The following KCTD16 variants were observed in gnomAD, a reference collection of about 807,000 sequenced individuals.
The protein encoded by KCTD16 is potassium channel tetramerization domain containing 16.
In KCTD16, 13 loss-of-function variants were observed where a neutral mutation model predicts 33.2. The ratio of observed to expected loss-of-function variants is 0.39; its 90% CI spans 0.25 to 0.62. KCTD16 has a LOEUF of 0.62. KCTD16 is among the 20% of genes least tolerant of loss of function. The probability of loss-of-function intolerance (pLI) is 0.50; values close to 1 mark genes in which losing one functional copy is unlikely to be tolerated. For missense variants in KCTD16, 441 were observed against 525.1 expected, an observed-to-expected ratio of 0.84 and a Z score of 1.57; for synonymous variants, 197 against 195.3, an observed-to-expected ratio of 1.01 and a Z score of -0.07.
chr5:144,338,513 T>C (rs556353602), intron 3 of KCTD16, among the ~76,000 whole-genome samples: 17 of 152,158 alleles, frequency 1.1e-4, no homozygotes, highest in African/African-American at 4.1e-4. Context: ...ATAATAATTG[T>C]ATTAAAAGGA....
intron 3 of KCTD16, among the ~76,000 whole-genome samples, chr5:144,287,792 C>T (rs1755787499): frequency 6.6e-6 from 1 of 151,920 alleles, no homozygotes; most frequent in Admixed American, 6.6e-5. Flanking sequence ...CGCACGACCT[C>T]ATCTGGCTAA....
intron 3 of KCTD16, among the ~76,000 whole-genome samples, chr5:144,264,147 T>G (rs543090438): frequency 1.3e-5 from 2 of 152,240 alleles, no homozygotes; most frequent in Admixed American, 6.5e-5. Context: ...CTTTTGAACA[T>G]ATTCATCTGA....
At chr5:144,339,009 C>T (rs927844611) in intron 3 of KCTD16, among the ~76,000 whole-genome samples, 3 of 151,880 alleles carry the variant, frequency 2.0e-5, no homozygotes, top group African/African-American at 7.3e-5. Context: ...TCCCCTGGAA[C>T]GTGAGGCAAG....
intron 3 of KCTD16, among the ~76,000 whole-genome samples, chr5:144,224,623 T>A (rs1753872823): frequency 6.6e-6 from 1 of 152,206 alleles, no homozygotes; most frequent in Non-Finnish European, 1.5e-5. Flanking sequence ...CCTTGGTAAT[T>A]CGCTTCTTTT....
intron 3 of KCTD16, among the ~76,000 whole-genome samples, chr5:144,418,015 T>C (rs1269969108): frequency 2.6e-5 from 4 of 152,158 alleles, no homozygotes; most frequent in African/African-American, 9.7e-5. Context: ...GGTGGGCTCG[T>C]AGTCTTGCTG....
At chr5:144,391,896 T>C (rs1372465921) in intron 3 of KCTD16, among the ~76,000 whole-genome samples, 1 of 152,240 alleles carries the variant, frequency 6.6e-6, no homozygotes, top group African/African-American at 2.4e-5. Context: ...AATTTACTTA[T>C]CTGTGTGGTT....
intron 3 of KCTD16, among the ~76,000 whole-genome samples, chr5:144,363,592 G>T (rs577876706): frequency 6.6e-6 from 1 of 152,102 alleles, no homozygotes; most frequent in African/African-American, 2.4e-5. Context: ...AAGTTCAAAT[G>T]ATCTCTGCTC....
intron 3 of KCTD16, among the ~76,000 whole-genome samples, chr5:144,394,475 G>T (rs1752520521): frequency 6.6e-6 from 1 of 152,208 alleles, no homozygotes; most frequent in Non-Finnish European, 1.5e-5. Context: ...TCTGAAAACT[G>T]AACTGGACAT....
chr5:144,412,799 T>C (rs1458094583), intron 3 of KCTD16, among the ~76,000 whole-genome samples: 4 of 151,702 alleles, frequency 2.6e-5, no homozygotes, highest in East Asian at 1.9e-4. Flanking sequence ...GGCACGAGAG[T>C]CGCTTGAACC....
intron 3 of KCTD16, among the ~76,000 whole-genome samples, chr5:144,438,638 A>G (rs1330021753): frequency 6.6e-6 from 1 of 152,212 alleles, no homozygotes; most frequent in Non-Finnish European, 1.5e-5. Context: ...TTTTGAAAAC[A>G]TAGGCTGGGT....
chr5:144,204,648 G>A (rs1197214324), intron 2 of KCTD16, among the ~76,000 whole-genome samples: 1 of 152,150 alleles, frequency 6.6e-6, no homozygotes, highest in African/African-American at 2.4e-5. Context: ...TTTCTTACAG[G>A]TGAGCTAAGA....
intron 2 of KCTD16, among the ~76,000 whole-genome samples, chr5:144,179,947 G>A (rs545190798): frequency 1.1e-4 from 16 of 152,194 alleles, no homozygotes; most frequent in South Asian, 2.1e-4. Flanking sequence ...AGTTCTACTC[G>A]CCCATTTTCC....
At chr5:144,179,643 T>G (rs1241768197) in intron 2 of KCTD16, among the ~76,000 whole-genome samples, 1 of 152,220 alleles carries the variant, frequency 6.6e-6, no homozygotes, top group Non-Finnish European at 1.5e-5. Context: ...TCAATTTTAC[T>G]AATAAGACTA....
chr5:144,436,092 G>C (rs1049202519), intron 3 of KCTD16, among the ~76,000 whole-genome samples: 1 of 152,170 alleles, frequency 6.6e-6, no homozygotes, highest in Non-Finnish European at 1.5e-5. Context: ...AACCACTTTA[G>C]TTTTAACTAG....
chr5:144,182,922 A>G (rs1752654825), intron 2 of KCTD16, among the ~76,000 whole-genome samples: 1 of 152,204 alleles, frequency 6.6e-6, no homozygotes, highest in African/African-American at 2.4e-5. Flanking sequence ...TACTTAACAC[A>G]TATACATACA....
At chr5:144,182,616 A>G (rs1255441676) in intron 2 of KCTD16, among the ~76,000 whole-genome samples, 1 of 152,164 alleles carries the variant, frequency 6.6e-6, no homozygotes, top group Non-Finnish European at 1.5e-5. Flanking sequence ...GACATTTTCA[A>G]AGAGTAGATT....
At chr5:144,343,098 G>A (rs1752689748) in intron 3 of KCTD16, among the ~76,000 whole-genome samples, 1 of 152,190 alleles carries the variant, frequency 6.6e-6, no homozygotes. Context: ...CTCATAAAAT[G>A]AGTTAGGGAG....
intron 3 of KCTD16, among the ~76,000 whole-genome samples, chr5:144,444,100 C>T (rs1233883872): frequency 2.0e-5 from 3 of 151,964 alleles, no homozygotes; most frequent in Non-Finnish European, 4.4e-5. Flanking sequence ...TTCAAAACAA[C>T]AATATTCGTG....
chr5:144,237,300 T>C (rs1754281474), intron 3 of KCTD16, among the ~76,000 whole-genome samples: 1 of 152,118 alleles, frequency 6.6e-6, no homozygotes, highest in Admixed American at 6.6e-5. Context: ...ATTTAGATCA[T>C]GAGCCATGAG....
Sources: gnomAD v4.1 joint callset for allele counts (sites outside exome capture counted in the v4.1 genomes callset) on GRCh38, gnomAD v4.1.1 for gene constraint, MANE v1.5 for transcripts, NCBI Gene and HGNC (gene_info 2026-07-23, HGNC 2026-07-21) for gene names.